Variants in DIAPH3 observed in about 807,000 individuals in gnomAD.
DIAPH3 encodes the protein diaphanous related formin 3, also known as protein diaphanous homolog 3.
DIAPH3 carries 117 observed loss-of-function variants against 144.3 expected under a neutral mutation model. That is an observed-to-expected ratio of 0.81 (90% CI 0.70 to 0.95). The LOEUF (loss-of-function observed/expected upper bound fraction) is 0.95. DIAPH3 is among the 40% of genes least tolerant of loss of function. DIAPH3 has a pLI of 0.00. For missense variants in DIAPH3, 1,421 were observed against 1,412.7 expected, an observed-to-expected ratio of 1.01 and a Z score of -0.09; for synonymous variants, 519 against 488.9, an observed-to-expected ratio of 1.06 and a Z score of -0.81.
At chr13:60,023,200 CTTAA>C (rs561159004) in intron 5 of DIAPH3, among the ~76,000 whole-genome samples, 71 of 152,094 alleles carry the variant, frequency 4.7e-4, no homozygotes, top group Non-Finnish European at 8.7e-4. Context: ...GGAGAAGGAA[CTTAA>C]TTATCTTAAT....
intron 27 of DIAPH3, among the ~76,000 whole-genome samples, chr13:59,688,942 T>C (rs2033360896): frequency 1.3e-5 from 2 of 152,068 alleles, no homozygotes; most frequent in Admixed American, 1.3e-4. Flanking sequence ...CAAATTATGT[T>C]GGAAATTTCA....
At chr13:59,996,394 A>G (rs964619979) in intron 9 of DIAPH3, among the ~76,000 whole-genome samples, 2 of 152,112 alleles carry the variant, frequency 1.3e-5, no homozygotes, top group South Asian at 2.1e-4. Context: ...TGGAAAGCCA[A>G]TACTGTAAGC....
intron 17 of DIAPH3, among the ~76,000 whole-genome samples, chr13:59,933,751 GT>G (rs2048134467): frequency 6.6e-6 from 1 of 152,162 alleles, no homozygotes; most frequent in African/African-American, 2.4e-5. Context: ...TCAGAATGAA[GT>G]CAAAGATGAC....
At position 60,163,774 on chromosome 13, in the gene DIAPH3, C is replaced by T. The variant is rs1181870292; in HGVS notation, c.-8G>A. 7.0e-6 allele frequency: 11 copies of T among 1,567,758 alleles called. No homozygotes were observed. Among genetic ancestry groups the T allele is most frequent in the Admixed American group, 1.9e-5 (1 of 52,952 alleles). Reference sequence around the variant, plus strand: ...CGGCTGGTGCCGTTCCATCTTTCCCCGCAGCTCCGGGGACCGGAAAGAAGG... The same window carrying T: ...CGGCTGGTGCCGTTCCATCTTTCCCTGCAGCTCCGGGGACCGGAAAGAAGG... On this transcript the variant is annotated 5_prime_UTR_variant, in exon 1 of 28. Coordinates refer to ENST00000400324, the MANE Select transcript of DIAPH3 (RefSeq NM_001042517.2).
chr13:59,811,156 A>C (rs1255062820), intron 24 of DIAPH3, among the ~76,000 whole-genome samples: 1 of 152,136 alleles, frequency 6.6e-6, no homozygotes, highest in Non-Finnish European at 1.5e-5. Flanking sequence ...TAAAACATCC[A>C]CATCTTGATG....
rs535856180 is a variant in DIAPH3, at chr13:60,076,696, C to T, written c.495+16932G>A. On this transcript the variant is annotated intron_variant, in intron 4 of 27. Transcript: ENST00000400324. The stretch of plus-strand genomic sequence containing the variant: ...AATTTTCTGCAACAATGAATCACTT[C>T]TGAAAGAAGAAAAAAAGACTGTTAA... Among the ~76,000 whole-genome samples the T allele has an allele frequency of 8.6e-5, 13 of 151,742 alleles. No homozygotes were observed. In the East Asian group the frequency reaches 2.0e-3, roughly 23 times the overall value.
At chr13:59,788,693 G>A (rs1227683280) in intron 25 of DIAPH3, among the ~76,000 whole-genome samples, 1 of 152,004 alleles carries the variant, frequency 6.6e-6, no homozygotes, top group Non-Finnish European at 1.5e-5. Context: ...CAAAAAATGA[G>A]GCATATTTAA....
intron 24 of DIAPH3, among the ~76,000 whole-genome samples, chr13:59,815,715 C>CA (rs2139595081): frequency 6.6e-6 from 1 of 152,156 alleles, no homozygotes; most frequent in Non-Finnish European, 1.5e-5. Context: ...CGTAGCCTCC[C>CA]AATGCGCTGG....
At chr13:59,690,167 CA>C (rs1349151881) in intron 27 of DIAPH3, among the ~76,000 whole-genome samples, 10 of 151,996 alleles carry the variant, frequency 6.6e-5, no homozygotes, top group Non-Finnish European at 1.3e-4. Flanking sequence ...ATTAAAAGTC[CA>C]AAATTCAGTC....
intron 27 of DIAPH3, among the ~76,000 whole-genome samples, chr13:59,742,447 C>G (rs2036502531): frequency 1.3e-5 from 2 of 152,040 alleles, no homozygotes. Flanking sequence ...CTCTGTGCAT[C>G]CTTCTGGGTA....
intron 1 of DIAPH3, among the ~76,000 whole-genome samples, chr13:60,154,393 T>C (rs1951930233): frequency 6.6e-6 from 1 of 152,176 alleles, no homozygotes; most frequent in Non-Finnish European, 1.5e-5. Flanking sequence ...ATAAGTGATA[T>C]TGCTGGGATT....
At chr13:60,081,498 C>A (rs1311046717) in intron 4 of DIAPH3, among the ~76,000 whole-genome samples, 1 of 151,888 alleles carries the variant, frequency 6.6e-6, no homozygotes, top group Non-Finnish European at 1.5e-5. Context: ...ATATGAGATT[C>A]AAAATCAGAG....
intron 21 of DIAPH3, among the ~76,000 whole-genome samples, chr13:59,874,949 T>C (rs973530246): frequency 3.3e-5 from 5 of 152,178 alleles, no homozygotes; most frequent in African/African-American, 1.2e-4. Flanking sequence ...ATATGTGGAT[T>C]AGTAACATCT....
chr13:60,077,699 A>G (rs1253054153), intron 4 of DIAPH3, among the ~76,000 whole-genome samples: 1 of 152,122 alleles, frequency 6.6e-6, no homozygotes, highest in Non-Finnish European at 1.5e-5. Flanking sequence ...GAGTATTCAG[A>G]CACATAAACA....
intron 2 of DIAPH3, among the ~76,000 whole-genome samples, chr13:60,123,926 T>C (rs921828991): frequency 3.3e-5 from 5 of 152,250 alleles, no homozygotes; most frequent in Non-Finnish European, 5.9e-5. Context: ...CTGACTTATG[T>C]TCTATTACTT....
intron 17 of DIAPH3, among the ~76,000 whole-genome samples, chr13:59,930,305 T>C (rs1329478729): frequency 2.0e-5 from 3 of 152,192 alleles, no homozygotes; most frequent in Non-Finnish European, 4.4e-5. Context: ...TAAGGTCTAA[T>C]AGAAGTGACT....
At chr13:59,952,266 T>A (rs556479668) in intron 17 of DIAPH3, among the ~76,000 whole-genome samples, 5 of 152,188 alleles carry the variant, frequency 3.3e-5, no homozygotes, top group African/African-American at 1.2e-4. Flanking sequence ...GGGGAGAGAC[T>A]GCTTAAGGGG....
intron 9 of DIAPH3, among the ~76,000 whole-genome samples, chr13:59,994,959 G>A (rs1235296030): frequency 1.3e-5 from 2 of 151,778 alleles, no homozygotes; most frequent in African/African-American, 4.8e-5. Context: ...TGTTGTAGAA[G>A]TAAATTTTTG....
At chr13:59,926,873 T>C (rs1029405111) in intron 17 of DIAPH3, among the ~76,000 whole-genome samples, 3 of 152,180 alleles carry the variant, frequency 2.0e-5, no homozygotes, top group Admixed American at 6.6e-5. Context: ...TTCAGATTGA[T>C]AGTTCTTTGA....
Sources: gnomAD v4.1 joint callset for allele counts (sites outside exome capture counted in the v4.1 genomes callset) on GRCh38, gnomAD v4.1.1 for gene constraint, MANE v1.5 for transcripts, NCBI Gene and HGNC (gene_info 2026-07-23, HGNC 2026-07-21) for gene names.